SLC25A46: variants seen among roughly 807,000 people sequenced by gnomAD.
The protein encoded by SLC25A46 is solute carrier family 25 member 46.
In SLC25A46, 39 loss-of-function variants were observed where a neutral mutation model predicts 44.6. The ratio of observed to expected loss-of-function variants is 0.87; its 90% CI spans 0.68 to 1.14. SLC25A46 has a LOEUF of 1.14. Among genes scored for constraint, SLC25A46 ranks in the 50% most tolerant of loss-of-function variants. SLC25A46 has a pLI of 0.00. For missense variants in SLC25A46, 547 were observed against 522.7 expected (o/e 1.05, Z -0.45); for synonymous variants, 202 against 185.8 (o/e 1.09, Z -0.71).
rs1452269380 is a variant in SLC25A46 at position 110,763,919 on chromosome 5, A to T, written c.*2137A>T. 6.6e-6 allele frequency: 1 copy of T among 151,824 alleles called. No homozygotes were observed. The highest frequency in any genetic ancestry group is 6.6e-5 in the Admixed American group (1 of 15,202). 9.4% of individuals were successfully genotyped at this position (151,824 alleles called of 1,614,324 possible). A position where few individuals can be genotyped will look rare whatever the true frequency, so the allele number is the denominator to read the frequency against. The stretch of plus-strand genomic sequence containing the variant: ...AAAATCTTGAACGGTCACGCACTTA[A>T]ATTTAAGCTAGCCAAATATGTTGCA... On this transcript the variant is annotated 3_prime_UTR_variant, in exon 8 of 8. Coordinates refer to ENST00000355943, the MANE Select transcript of SLC25A46 (RefSeq NM_138773.4).
chr5:110,761,665 A>G lies in SLC25A46; in HGVS notation c.1140A>G (p.Glu380=). Residue 380 remains glutamate, a synonymous_variant, in exon 8 of 8, where the codon GAA becomes GAG. Coordinates refer to ENST00000355943, the MANE Select transcript of SLC25A46 (RefSeq NM_138773.4). This position sits in a 1 kb window ranked among gnomAD's most constrained non-coding sequence, Gnocchi z 5.3. ...GTATCAATACCATAAGGCAGGAGGA[A>G]GGAGTGTTTGGTTTTTATAAAGGGT... is the stretch of plus-strand genomic sequence containing the variant. The part of the protein sequence containing the change: ...RDCINTIRQE[E]GVFGFYKGFG... 6.2e-7 allele frequency: 1 copy of G among 1,613,640 alleles called. No individual in the cohort carries two copies. The highest frequency in any genetic ancestry group is 8.5e-7 in the Non-Finnish European group (1 of 1,179,720).
chr5:110,738,906 G>T (rs1005330673), upstream of SLC25A46: 3 of 1,308,762 alleles, frequency 2.3e-6, no homozygotes, highest in African/African-American at 4.5e-5. Flanking sequence ...CCAGGTTACC[G>T]CCGCGTCTCC....
intron 7 of SLC25A46, among the ~76,000 whole-genome samples, chr5:110,759,252 G>A (rs1800186272): frequency 6.6e-6 from 1 of 152,192 alleles, no homozygotes; most frequent in Admixed American, 6.6e-5. Context: ...TGTGTAATGG[G>A]TAGGGAGGGG....
chr5:110,755,530 C>A lies in SLC25A46; in HGVS notation c.620+9C>A. The A allele has an allele frequency of 6.5e-7, 1 of 1,548,594 alleles. No homozygotes were observed. The highest frequency in any genetic ancestry group is 8.7e-7 in the Non-Finnish European group (1 of 1,144,214). ...CACCTTCTACTGAAATCGTAAGTAT[C>A]AAAAAATGGCATTTTTATTGGGCAT... On this transcript the variant is annotated intron_variant, in intron 6 of 7. Transcript: ENST00000355943.
At chr5:110,744,075 A>G (rs1246974311) in intron 3 of SLC25A46, among the ~76,000 whole-genome samples, 1 of 152,178 alleles carries the variant, frequency 6.6e-6, no homozygotes, top group Admixed American at 6.5e-5. Context: ...TAGTAAGATA[A>G]TATGTTTTTA....
intron 1 of SLC25A46, 125 bp downstream of exon 1, chr5:110,739,527 A>C: frequency 7.5e-7 from 1 of 1,329,092 alleles, no homozygotes; most frequent in Non-Finnish European, 1.0e-6. Context: ...CGCGCGCCAC[A>C]CCCTTTGCCC....
chr5:110,749,000 A>T (rs557570646), intron 5 of SLC25A46, among the ~76,000 whole-genome samples: 17 of 152,264 alleles, frequency 1.1e-4, no homozygotes, highest in African/African-American at 3.9e-4. Context: ...AGATTTATGG[A>T]GATCTATTGT....
intron 4 of SLC25A46, among the ~76,000 whole-genome samples, chr5:110,746,757 T>C (rs373532607): frequency 2.0e-5 from 3 of 152,116 alleles, no homozygotes; most frequent in African/African-American, 7.2e-5. Flanking sequence ...AAGGCCCGAA[T>C]TGTGTGCTTC....
At chr5:110,756,877 T>C in intron 7 of SLC25A46, 118 bp downstream of exon 7, 2 of 561,680 alleles carry the variant, frequency 3.6e-6, no homozygotes, top group Non-Finnish European at 5.8e-6. Flanking sequence ...TTAAAATATT[T>C]ATTTTATAAA....
chr5:110,753,106 C>A (rs531962662), intron 5 of SLC25A46, among the ~76,000 whole-genome samples: 1 of 152,150 alleles, frequency 6.6e-6, no homozygotes, highest in Admixed American at 6.6e-5. Flanking sequence ...TTAAAAATGT[C>A]CATCAGATTT....
intron 2 of SLC25A46, among the ~76,000 whole-genome samples, chr5:110,742,714 G>C (rs534189159): frequency 6.6e-6 from 1 of 152,072 alleles, no homozygotes; most frequent in Admixed American, 6.5e-5. Flanking sequence ...ATTGTGCATG[G>C]AGGCTTCTTT....
At chr5:110,743,709 A>T in intron 2 of SLC25A46, 21 bp from the exon 3 acceptor site, 1 of 1,478,310 alleles carries the variant, frequency 6.8e-7, no homozygotes. Flanking sequence ...ACATACATAT[A>T]CATAAATTAT....
At chr5:110,751,620 C>G (rs1347514094) in intron 5 of SLC25A46, among the ~76,000 whole-genome samples, 1 of 152,076 alleles carries the variant, frequency 6.6e-6, no homozygotes. Flanking sequence ...GTCATTGTAA[C>G]TGTAGATGAA....
rs149450845 is a variant in SLC25A46, at chr5:110,745,984, T to C, written c.385-285T>C. The C allele has an allele frequency of 9.1e-3, 1,945 of 213,018 alleles. 47 individuals are homozygous for C. The highest frequency in any genetic ancestry group is 0.042 in the African/African-American group (1,810 of 43,484). 13.2% of individuals were successfully genotyped at this position (213,018 alleles called of 1,614,324 possible). A position where few individuals can be genotyped will look rare whatever the true frequency, so the allele number is the denominator to read the frequency against. On this transcript the variant is annotated intron_variant, in intron 3 of 7. Transcript: ENST00000355943. ...CATGAGTTGGGAGATGTAATTCAGT[T>C]GTTTAAGGCAAACCAAATATCAAAT...
intron 5 of SLC25A46, chr5:110,754,289 T>G (rs2150414752): frequency 6.8e-6 from 1 of 146,916 alleles, no homozygotes; most frequent in Admixed American, 6.9e-5. Context: ...AAGTCTTATC[T>G]TTATTTTGCA....
intron 1 of SLC25A46, among the ~76,000 whole-genome samples, chr5:110,740,490 C>T (rs1156618375): frequency 1.3e-5 from 2 of 152,112 alleles, no homozygotes; most frequent in Non-Finnish European, 2.9e-5. Flanking sequence ...AGTTCCTTGA[C>T]ACAAGCAGGG....
At position 110,763,372 on chromosome 5, in the gene SLC25A46, A is replaced by G. The variant is rs1800308646; in HGVS notation, c.*1590A>G. ...AGTGTAAAAACAGTAATAAGTAGCA[A>G]ATCTCTCGTGTGTGTGTGTGTGTAG... On this transcript the variant is annotated 3_prime_UTR_variant, in exon 8 of 8. Transcript: ENST00000355943. The G allele has an allele frequency of 1.3e-5, 2 of 151,246 alleles. No homozygotes were observed. Among genetic ancestry groups the G allele is most frequent in the South Asian group, 4.1e-4 (2 of 4,828 alleles). 9.4% of individuals were successfully genotyped at this position (151,246 alleles called of 1,614,324 possible). A position where few individuals can be genotyped will look rare whatever the true frequency, so the allele number is the denominator to read the frequency against.
chr5:110,740,086 C>G (rs889514051), intron 1 of SLC25A46, among the ~76,000 whole-genome samples: 4 of 152,148 alleles, frequency 2.6e-5, no homozygotes, highest in Admixed American at 1.3e-4. Context: ...AACACTGATA[C>G]AATTTCAAGA....
In SLC25A46 at chr5:110,748,075, A is replaced by T. The variant is rs937576816; in HGVS notation, c.463-88A>T. 1.5e-5 allele frequency: 12 copies of T among 795,982 alleles called. No individual in the cohort carries two copies. The African/African-American group carries it at 1.7e-4, about 12-fold the overall frequency. The allele number at this position is 795,982 out of a possible 1,614,324, so 49.3% of individuals were successfully genotyped here. Reference sequence around the variant, plus strand: ...TATTAGAATAATGTTTTATTGGAAAATGTCTACACAATATCAAGTTTTATT... The same window carrying T: ...TATTAGAATAATGTTTTATTGGAAATTGTCTACACAATATCAAGTTTTATT... On this transcript the variant is annotated intron_variant, in intron 4 of 7. Transcript: ENST00000355943.
Sources: gnomAD v4.1 joint callset for allele counts (sites outside exome capture counted in the v4.1 genomes callset) on GRCh38, gnomAD v4.1.1 for gene constraint, Gnocchi (gnomAD v3.1) non-coding constraint, MANE v1.5 for transcripts, NCBI Gene and HGNC (gene_info 2026-07-23, HGNC 2026-07-21) for gene names.